The following SLC19A3 variants were observed in gnomAD, a reference collection of about 807,000 sequenced individuals.
SLC19A3 encodes the protein solute carrier family 19 member 3, also known as thiamine transporter 2.
A neutral mutation model predicts 40.2 loss-of-function variants in SLC19A3; 31 were observed. The observed-to-expected ratio is 0.77, with a 90% confidence interval of 0.58 to 1.04. The LOEUF is 1.04. Among genes scored for constraint, SLC19A3 ranks in the 50% least tolerant of loss-of-function variants. The probability of loss-of-function intolerance (pLI) is 0.00; values close to 1 mark genes in which losing one functional copy is unlikely to be tolerated. For missense variants in SLC19A3, 592 were observed against 596.7 expected (o/e 0.99, Z 0.08); for synonymous variants, 212 against 227.5 (o/e 0.93, Z 0.61).
At chr2:227,710,647 TC>T (rs948091110) in intron 1 of SLC19A3, among the ~76,000 whole-genome samples, 8 of 151,950 alleles carry the variant, frequency 5.3e-5, no homozygotes, top group Admixed American at 4.6e-4. Context: ...TTCAGCTCCT[TC>T]CCCCCCAGTT....
At chr2:227,700,534 T>A (rs1379114351) in intron 2 of SLC19A3, among the ~76,000 whole-genome samples, 4 of 152,078 alleles carry the variant, frequency 2.6e-5, no homozygotes. Flanking sequence ...CAAGACTCCA[T>A]CTGAACAACA....
chr2:227,709,935 TG>T (rs1297057844), intron 1 of SLC19A3, among the ~76,000 whole-genome samples: 1 of 151,778 alleles, frequency 6.6e-6, no homozygotes, highest in Non-Finnish European at 1.5e-5. Flanking sequence ...CATGAAAAAA[TG>T]GGGGAGGAGT....
At chr2:227,700,394 C>T (rs2106330479) in intron 2 of SLC19A3, among the ~76,000 whole-genome samples, 1 of 151,688 alleles carries the variant, frequency 6.6e-6, no homozygotes, top group South Asian at 2.1e-4. Flanking sequence ...AAAAATTAGC[C>T]ATGAATGGTG....
intron 1 of SLC19A3, among the ~76,000 whole-genome samples, chr2:227,710,498 C>T (rs994170993): frequency 6.6e-6 from 1 of 152,144 alleles, no homozygotes; most frequent in Non-Finnish European, 1.5e-5. Flanking sequence ...GAGTTCGAGA[C>T]CAGCCTGGCC....
At chr2:227,714,313 G>T in intron 1 of SLC19A3, 1 of 525,576 alleles carries the variant, frequency 1.9e-6, no homozygotes, top group Non-Finnish European at 2.4e-6. Flanking sequence ...GAACATTTCT[G>T]ATGAAAACAG....
chr2:227,711,422 A>AAAAAT (rs10634783), intron 1 of SLC19A3, among the ~76,000 whole-genome samples: 73,409 of 143,376 alleles, frequency 0.51, 20,787 homozygotes, highest in Middle Eastern at 0.64. Flanking sequence ...TCTGTCTCAA[A>AAAAAT]AAAATAAAAT....
intron 4 of SLC19A3, among the ~76,000 whole-genome samples, chr2:227,693,226 C>T (rs1249921059): frequency 1.3e-5 from 2 of 151,956 alleles, no homozygotes; most frequent in African/African-American, 2.4e-5. Flanking sequence ...CCACAGAAGA[C>T]CCAGAATAGT....
chr2:227,686,347 C>T lies in SLC19A3; in HGVS notation c.*1050G>A, dbSNP rs1695014861. On this transcript the variant is annotated 3_prime_UTR_variant, in exon 6 of 6. Transcript: ENST00000644224. ...TTTTTGGGAGGAGGGGGATGAGAGTCTTACTCTGTTGCCCAGGCTGGAGTG... is the reference window on the plus strand; with the variant it reads ...TTTTTGGGAGGAGGGGGATGAGAGTTTTACTCTGTTGCCCAGGCTGGAGTG... 1.1e-5 allele frequency: 3 copies of T among 266,208 alleles called. No individual in the cohort carries two copies. The highest frequency in any genetic ancestry group is 9.8e-5 in the Admixed American group (2 of 20,456). 16.5% of individuals were successfully genotyped at this position (266,208 alleles called of 1,614,324 possible). A position where few individuals can be genotyped will look rare whatever the true frequency, so the allele number is the denominator to read the frequency against.
chr2:227,700,128 C>T (rs775407943), intron 2 of SLC19A3, among the ~76,000 whole-genome samples: 14 of 151,996 alleles, frequency 9.2e-5, no homozygotes, highest in African/African-American at 3.1e-4. Flanking sequence ...CCGCCCACCT[C>T]GGCCTCCCAA....
intron 1 of SLC19A3, among the ~76,000 whole-genome samples, chr2:227,710,395 C>T (rs534485498): frequency 1.3e-5 from 2 of 152,228 alleles, no homozygotes; most frequent in Admixed American, 1.3e-4. Context: ...GACTCCATCT[C>T]TACAAAAATA....
chr2:227,699,338 T>G lies in SLC19A3; in HGVS notation c.377A>C (p.Tyr126Ser), dbSNP rs759172102. ...VTAAEVAYYA[Y>S]IYSVVSPEHY... ...CTCGGGGCTGACCACGCTGTATATGTAGGCGTAGTAGGCCACCTCGGCGGC... is the reference window on the plus strand; with the variant it reads ...CTCGGGGCTGACCACGCTGTATATGGAGGCGTAGTAGGCCACCTCGGCGGC... Residue 126 changes from tyrosine to serine, a missense_variant, in exon 3 of 6, where the codon TAC becomes TCC. By Grantham distance (144) the Tyr-to-Ser change is moderately radical (BLOSUM62 -2). Coordinates refer to ENST00000644224, the MANE Select transcript of SLC19A3 (RefSeq NM_025243.4). The G allele has an allele frequency of 6.2e-7, 1 of 1,614,186 alleles. No homozygotes were observed. Among genetic ancestry groups the G allele is most frequent in the East Asian group, 2.2e-5 (1 of 44,882 alleles).
chr2:227,699,349 G>A lies in SLC19A3; in HGVS notation c.366C>T (p.Ala122=), dbSNP rs548635197. ...FYGMVTAAEV[A]YYAYIYSVVS... ...CCACGCTGTATATGTAGGCGTAGTA[G>A]GCCACCTCGGCGGCGGTGACCATCC... Residue 122 remains alanine (A), a synonymous_variant, in exon 3 of 6, where the codon GCC becomes GCT. Coordinates refer to ENST00000644224, the MANE Select transcript of SLC19A3 (RefSeq NM_025243.4). The A allele has an allele frequency of 1.7e-5, 27 of 1,614,170 alleles. No individual in the cohort carries two copies. The East Asian group carries it at 2.0e-4, about 12-fold the overall frequency.
At chr2:227,705,674 G>A (rs1002000924) in intron 1 of SLC19A3, among the ~76,000 whole-genome samples, 2 of 152,050 alleles carry the variant, frequency 1.3e-5, no homozygotes, top group Non-Finnish European at 2.9e-5. Context: ...TGATGAGAAC[G>A]CATGGACACA....
At position 227,699,474 on chromosome 2, in the gene SLC19A3, G is replaced by A. The variant is rs1307893537; in HGVS notation, c.241C>T (p.Pro81Ser). The change falls in exon 3 of 6, where the codon CCA becomes TCA. Residue 81 changes from proline (P) to serine (S), a missense_variant. Coordinates refer to ENST00000644224, the MANE Select transcript of SLC19A3 (RefSeq NM_025243.4). Reference protein sequence around the residue: ...FVLTDYVRYKPVIILQGISFI... With the variant: ...FVLTDYVRYKSVIILQGISFI... Reference sequence around the variant, plus strand: ...CTGATACCTTGCAAGATGATGACTGGCTTGTAGCGGACATAATCGGTGAGG... The same window carrying A: ...CTGATACCTTGCAAGATGATGACTGACTTGTAGCGGACATAATCGGTGAGG... 1 of 1,614,168 alleles carries A rather than the reference G, an allele frequency of 6.2e-7. No homozygotes were observed.
chr2:227,718,025 T>G lies in SLC19A3; in HGVS notation c.-85A>C. The G allele has an allele frequency of 1.0e-6, 1 of 984,844 alleles. No individual in the cohort carries two copies. 61.0% of individuals were successfully genotyped at this position (984,844 alleles called of 1,614,324 possible). A position where few individuals can be genotyped will look rare whatever the true frequency, so the allele number is the denominator to read the frequency against. On this transcript the variant is annotated 5_prime_UTR_variant, in exon 1 of 6. Coordinates refer to ENST00000644224, the MANE Select transcript of SLC19A3 (RefSeq NM_025243.4). The stretch of plus-strand genomic sequence containing the variant: ...GCGGCTGTCGGATGGATCCAGGCGC[T>G]CTTGGTGGGAAGGGGGCGGAGCCTG...
chr2:227,696,578 T>G (rs1374682251), intron 3 of SLC19A3, among the ~76,000 whole-genome samples: 1 of 152,218 alleles, frequency 6.6e-6, no homozygotes, highest in African/African-American at 2.4e-5. Context: ...CTACCCAGTT[T>G]TAGTCTTTAT....
Position 227,715,428 on chromosome 2 carries a change from G to A in SLC19A3, c.-3+2515C>T, listed in dbSNP as rs1408238079. Among the ~76,000 whole-genome samples the A allele has an allele frequency of 4.6e-5, 7 of 152,042 alleles. No individual in the cohort carries two copies. In the East Asian group the frequency reaches 1.4e-3, roughly 29 times the overall value. ...TTTAGTAAAGATGGGGCTTTGCCAT[G>A]TTGGCCAGGCTACTCTTGAACTCCT... On this transcript the variant is annotated intron_variant, in intron 1 of 5. Transcript: ENST00000644224.
At chr2:227,715,244 C>A (rs555190766) in intron 1 of SLC19A3, among the ~76,000 whole-genome samples, 2 of 145,918 alleles carry the variant, frequency 1.4e-5, no homozygotes, top group Non-Finnish European at 3.1e-5. Flanking sequence ...TTATGTCAAA[C>A]CCCACACCCC....
intron 1 of SLC19A3, among the ~76,000 whole-genome samples, chr2:227,709,461 G>A (rs1354944665): frequency 6.6e-6 from 1 of 152,160 alleles, no homozygotes; most frequent in South Asian, 2.1e-4. Flanking sequence ...TCCAGCCTGG[G>A]TGACAGAGCG....
Sources: allele counts gnomAD v4.1 joint callset (sites outside exome capture counted in the v4.1 genomes callset), GRCh38; gene constraint gnomAD v4.1.1; transcripts MANE v1.5; gene names NCBI Gene and HGNC (gene_info 2026-07-23, HGNC 2026-07-21).